ANK1: variants seen among roughly 807,000 people sequenced by gnomAD.
ANK1 encodes the protein ankyrin-1.
In ANK1, 51 loss-of-function variants were observed where a neutral mutation model predicts 210.4. The observed-to-expected ratio is 0.24, with a 90% CI of 0.19 to 0.31. ANK1 has a LOEUF of 0.31. Ranked by LOEUF, ANK1 falls within the 10% of genes least tolerant of loss-of-function variation. The pLI, the probability that ANK1 is intolerant of heterozygous loss-of-function variation, is 1.00. For missense variants in ANK1, 2,051 were observed against 2,504.4 expected (o/e 0.82, Z 3.86); for synonymous variants, 967 against 1,025.9 (o/e 0.94, Z 1.10).
chr8:41,724,625 G>C, intron 6 of ANK1, 71 bp from the exon 7 acceptor site: 1 of 1,421,676 alleles, frequency 7.0e-7, no homozygotes, highest in Non-Finnish European at 9.7e-7. Flanking sequence ...GCCCTGGGAT[G>C]CAGGAAACTC....
intron 1 of ANK1, among the ~76,000 whole-genome samples, chr8:41,833,220 C>A (rs1041699097): frequency 8.5e-5 from 13 of 152,194 alleles, no homozygotes; most frequent in African/African-American, 2.9e-4. Context: ...ACAGCGATCA[C>A]CCCTAGAGAC....
At chr8:41,741,281 T>C (rs1834732118) in intron 2 of ANK1, among the ~76,000 whole-genome samples, 1 of 152,204 alleles carries the variant, frequency 6.6e-6, no homozygotes, top group South Asian at 2.1e-4. Flanking sequence ...CACCCCTGCC[T>C]GCACAGTCAC....
chr8:41,774,561 C>T (rs150323384), intron 1 of ANK1, among the ~76,000 whole-genome samples: 41 of 152,370 alleles, frequency 2.7e-4, no homozygotes, highest in African/African-American at 9.6e-4. Context: ...CCTGCCCATC[C>T]TTTCCCCACA....
In ANK1 at chr8:41,879,673, G is replaced by A. The variant is rs58839522; in HGVS notation, c.126+16682C>T. The stretch of plus-strand genomic sequence containing the variant: ...TTCATCCAGCCGTCCTGCTGGCCTG[G>A]TTCATTGGAGCTTCCCCCGGCGAGT... On this transcript the variant is annotated intron_variant, in intron 1 of 42. Coordinates refer to the ANK1 transcript ENST00000265709. 2.7e-3 allele frequency among the ~76,000 whole-genome samples: 415 copies of A among 152,266 alleles called. 2 individuals are homozygous for A. Among genetic ancestry groups the A allele is most frequent in the African/African-American group, 9.8e-3 (407 of 41,546 alleles).
chr8:41,704,099 T>C lies in ANK1; in HGVS notation c.2237A>G (p.His746Arg). 6.2e-7 allele frequency: 1 copy of C among 1,614,214 alleles called. No homozygotes were observed. The highest frequency in any genetic ancestry group is 8.5e-7 in the Non-Finnish European group (1 of 1,180,030). ...SPLHQAAQQGHTDIVTLLLKN... is the reference protein window; with the variant it reads ...SPLHQAAQQGRTDIVTLLLKN... ...CAGAAGCAGAGTCACGATGTCTGTG[T>C]GTCCCTGCTGGGCTGCCTGGTGCAG... The change falls in exon 20 of 43, where the codon CAC becomes CGC. Residue 746 changes from histidine to arginine, a missense_variant. By Grantham distance (29) the His-to-Arg change is conservative. This residue lies in a region of ANK1 where 1,413 missense variants were observed against 1,707.4 expected (regional missense o/e 0.83). Coordinates refer to ENST00000289734, the MANE Select transcript of ANK1 (RefSeq NM_000037.4). The surrounding 1 kb of genome is among the most constrained non-coding windows in gnomAD (Gnocchi z 4.1).
chr8:41,792,007 C>T (rs957208574), intron 1 of ANK1, among the ~76,000 whole-genome samples: 1 of 151,666 alleles, frequency 6.6e-6, no homozygotes, highest in African/African-American at 2.4e-5. Flanking sequence ...CTCATTCCTG[C>T]GCCACCTTCC....
At chr8:41,744,446 A>G (rs1013547873) in intron 2 of ANK1, among the ~76,000 whole-genome samples, 2 of 152,124 alleles carry the variant, frequency 1.3e-5, no homozygotes, top group African/African-American at 4.8e-5. Context: ...AAAGCAGTGA[A>G]CTTATAGTAG....
Position 41,694,693 on chromosome 8 carries a change from T to C in ANK1, c.3226A>G (p.Ile1076Val), listed in dbSNP as rs151275188. ...MSRLCQDYDTIGPEGGSLKSK... is the reference protein window; with the variant it reads ...MSRLCQDYDTVGPEGGSLKSK... Reference sequence around the variant, plus strand: ...TTCAGGGAGCCCCCTTCGGGACCGATGGTGTCGTAGTCCTGGCAGAGCCGT... The same window carrying C: ...TTCAGGGAGCCCCCTTCGGGACCGACGGTGTCGTAGTCCTGGCAGAGCCGT... Residue 1076 changes from isoleucine (I) to valine (V), a missense_variant, in exon 28 of 43, where the codon ATC becomes GTC. Ile to Val is a conservative substitution (Grantham distance 29). Transcript: ENST00000289734. The surrounding 1 kb of genome is among the most constrained non-coding windows in gnomAD (Gnocchi z 5.7). The C allele has an allele frequency of 1.2e-4, 201 of 1,613,984 alleles. 3 individuals are homozygous for C. The highest frequency in any genetic ancestry group is 1.5e-4 in the Non-Finnish European group (182 of 1,180,016).
At position 41,729,233 on chromosome 8, in the gene ANK1, G is replaced by A. The variant is rs1049665293; in HGVS notation, c.229-1227C>T. On this transcript the variant is annotated intron_variant, in intron 3 of 42. Transcript: ENST00000289734. ...AACATACTAGTAAGCAAAATGTAATGAGTAAGGGTTCACCAAATCCAAGAG... is the reference window on the plus strand; with the variant it reads ...AACATACTAGTAAGCAAAATGTAATAAGTAAGGGTTCACCAAATCCAAGAG... Among the ~76,000 whole-genome samples the A allele has an allele frequency of 5.3e-5, 8 of 152,296 alleles. 1 individual carries two copies. The highest frequency in any genetic ancestry group is 4.6e-4 in the Admixed American group (7 of 15,302).
intron 1 of ANK1, among the ~76,000 whole-genome samples, chr8:41,854,788 T>A (rs565209750): frequency 6.6e-6 from 1 of 151,840 alleles, no homozygotes; most frequent in South Asian, 2.1e-4. Context: ...AAGAAAAAAA[T>A]TGTTTTTTTA....
At chr8:41,891,046 G>C (rs1165531802) in intron 1 of ANK1, among the ~76,000 whole-genome samples, 1 of 152,198 alleles carries the variant, frequency 6.6e-6, no homozygotes, top group East Asian at 1.9e-4. Context: ...GGTGCAGAGA[G>C]AGCAATGGGG....
chr8:41,740,451 C>T (rs906186576), intron 2 of ANK1, among the ~76,000 whole-genome samples: 10 of 139,838 alleles, frequency 7.2e-5, no homozygotes, highest in Middle Eastern at 3.5e-3. Context: ...TGAGCCACCA[C>T]GCCCAATTGC....
At chr8:41,873,577 A>C (rs1009767788) in intron 1 of ANK1, among the ~76,000 whole-genome samples, 2 of 152,230 alleles carry the variant, frequency 1.3e-5, no homozygotes, top group South Asian at 2.1e-4. Flanking sequence ...GGCTAGTCCA[A>C]ATCCTCACTG....
chr8:41,856,793 T>A (rs1812241470), intron 1 of ANK1, among the ~76,000 whole-genome samples: 1 of 151,884 alleles, frequency 6.6e-6, no homozygotes, highest in South Asian at 2.1e-4. Flanking sequence ...TCCAAAACAT[T>A]TCTGGTCCCA....
At position 41,890,805 on chromosome 8, in the gene ANK1, A is replaced by G. The variant is rs559921227; in HGVS notation, c.126+5550T>C. Among the ~76,000 whole-genome samples the G allele has an allele frequency of 2.6e-5, 4 of 152,310 alleles. 1 individual carries two copies. Among genetic ancestry groups the G allele is most frequent in the African/African-American group, 7.2e-5 (3 of 41,570 alleles). ...GTCAGAAGAATTCAAGGTGGGGGAA[A>G]CAATAGATTTACTTGGTACCAATTC... is the stretch of plus-strand genomic sequence containing the variant. On this transcript the variant is annotated intron_variant, in intron 1 of 42. Transcript: ENST00000265709.
intron 1 of ANK1, among the ~76,000 whole-genome samples, chr8:41,794,633 A>G (rs1477440436): frequency 1.3e-5 from 2 of 152,230 alleles, no homozygotes; most frequent in African/African-American, 4.8e-5. Context: ...ATTCACTGCT[A>G]TATTCCCGGT....
At chr8:41,683,272 C>T (rs1816688142) in intron 37 of ANK1, among the ~76,000 whole-genome samples, 1 of 152,018 alleles carries the variant, frequency 6.6e-6, no homozygotes, top group Non-Finnish European at 1.5e-5. Flanking sequence ...CGTGAGTGCA[C>T]AGAGGTCAAG....
rs73626631 is a variant in ANK1, at chr8:41,851,580, G to A, written c.126+44775C>T. Among the ~76,000 whole-genome samples the A allele has an allele frequency of 6.3e-3, 953 of 152,326 alleles. 8 individuals are homozygous for A. The highest frequency in any genetic ancestry group is 0.022 in the African/African-American group (904 of 41,574). On this transcript the variant is annotated intron_variant, in intron 1 of 42. Transcript: ENST00000265709. Reference sequence around the variant, plus strand: ...TTAAAAGCCCTAGCTGGCTGGGTGCGTGGCTCACACCTGTAATCCTAGTGC... The same window carrying A: ...TTAAAAGCCCTAGCTGGCTGGGTGCATGGCTCACACCTGTAATCCTAGTGC...
At chr8:41,739,978 T>C (rs1329706552) in intron 2 of ANK1, among the ~76,000 whole-genome samples, 1 of 152,012 alleles carries the variant, frequency 6.6e-6, no homozygotes, top group Non-Finnish European at 1.5e-5. Context: ...GTGCTCCAGC[T>C]TCAGTATTAG....
Sources: allele counts gnomAD v4.1 joint callset (sites outside exome capture counted in the v4.1 genomes callset), GRCh38; gene constraint gnomAD v4.1.1; regional missense constraint gnomAD v4.1.1; non-coding constraint Gnocchi (gnomAD v3.1); transcripts MANE v1.5; gene names NCBI Gene and HGNC (gene_info 2026-07-23, HGNC 2026-07-21).